The following PLXNA1 variants were observed in gnomAD, a reference collection of about 807,000 sequenced individuals.
The protein encoded by PLXNA1 is plexin-A1.
A neutral mutation model predicts 191.7 loss-of-function variants in PLXNA1; 77 were observed. The observed-to-expected ratio is 0.40, with a 90% CI of 0.33 to 0.49. The LOEUF (loss-of-function observed/expected upper bound fraction) is 0.49, where lower values mean the gene tolerates loss of function less well. PLXNA1 is among the 20% of genes least tolerant of loss of function. PLXNA1 has a pLI of 0.63. For synonymous variants in PLXNA1, 1,137 were observed against 1,156.4 expected, an observed-to-expected ratio of 0.98 and a Z score of 0.34; for missense variants, 2,110 against 2,660.2, an observed-to-expected ratio of 0.79 and a Z score of 4.55.
chr3:127,028,173 G>A lies in PLXNA1; in HGVS notation c.4510-8G>A, dbSNP rs192809412. The stretch of plus-strand genomic sequence containing the variant: ...TGACGCTGCCCCCTTGCTCCACCCC[G>A]CCCGCAGACCCTGAACTGTGTGAAC... On this transcript the variant is annotated splice_region_variant and splice_polypyrimidine_tract_variant and intron_variant, in intron 24 of 31. Transcript: ENST00000393409. 7.6e-5 allele frequency: 123 copies of A among 1,611,272 alleles called. No individual in the cohort carries two copies. The African/African-American group carries it at 9.6e-4, about 13-fold the overall frequency.
intron 16 of PLXNA1, 97 bp from the exon 17 acceptor site, chr3:127,016,847 G>A (rs1347983871): frequency 3.6e-6 from 5 of 1,395,528 alleles, no homozygotes; most frequent in Non-Finnish European, 5.0e-6. Context: ...CTGTCTTTGG[G>A]GAAGGCAGGC....
intron 23 of PLXNA1, among the ~76,000 whole-genome samples, 158 bp downstream of exon 23, chr3:127,022,976 C>T (rs558019169): frequency 6.6e-6 from 1 of 152,334 alleles, no homozygotes; most frequent in East Asian, 1.9e-4. Context: ...CATGCAGCCG[C>T]TCTCAGCTCC....
In PLXNA1 at chr3:127,005,735, C is replaced by T. The variant is rs368420899; in HGVS notation, c.1898-344C>T. Among the ~76,000 whole-genome samples the T allele has an allele frequency of 1.3e-3, 197 of 148,280 alleles. 1 individual carries two copies. Among genetic ancestry groups the T allele is most frequent in the African/African-American group, 4.6e-3 (185 of 39,868 alleles). ...TGGGTGAGGGGTGGGCTATGTGGGGCGCAGGTTGGGTGGGGGACAGTCTCA... is the reference window on the plus strand; with the variant it reads ...TGGGTGAGGGGTGGGCTATGTGGGGTGCAGGTTGGGTGGGGGACAGTCTCA... On this transcript the variant is annotated intron_variant, in intron 7 of 31. Transcript: ENST00000393409.
At chr3:127,001,302 G>A (rs2079038854) in intron 3 of PLXNA1, among the ~76,000 whole-genome samples, 1 of 152,344 alleles carries the variant, frequency 6.6e-6, no homozygotes, top group Middle Eastern at 3.4e-3. Context: ...CCGGGCCAGG[G>A]TCAGGCTCCG....
rs2079109963 is a variant in PLXNA1 at position 127,014,224 on chromosome 3, T to C, written c.2453T>C (p.Leu818Pro). Residue 818 changes from leucine to proline, a missense_variant, in exon 12 of 32, where the codon CTC (leucine) becomes CCC (proline). By Grantham distance (98) the Leu-to-Pro change is moderately conservative. Coordinates refer to ENST00000393409, the MANE Select transcript of PLXNA1 (RefSeq NM_032242.4). ...CCGGCCCTGCGCGAGAGCTGCGGCCTCTGCCTCAAGGCCGACCCGCGCTTC... is the reference window on the plus strand; with the variant it reads ...CCGGCCCTGCGCGAGAGCTGCGGCCCCTGCCTCAAGGCCGACCCGCGCTTC... ...KCPALRESCG[L>P]CLKADPRFEC... The C allele has an allele frequency of 3.7e-6, 6 of 1,607,368 alleles. No individual in the cohort carries two copies. Among genetic ancestry groups the C allele is most frequent in the Non-Finnish European group, 5.1e-6 (6 of 1,176,834 alleles).
chr3:127,034,129 T>C lies in PLXNA1; in HGVS notation c.*112T>C. 1.1e-6 allele frequency: 1 copy of C among 947,146 alleles called. No homozygotes were observed. Among genetic ancestry groups the C allele is most frequent in the Admixed American group, 2.6e-5 (1 of 39,154 alleles). The allele number at this position is 947,146 out of a possible 1,614,324, so 58.7% of individuals were successfully genotyped here. ...TCCGGTGGTGCTCGGGCCGCCGCAG[T>C]GCAGCGACTGCCCGGCCCTCCCTCC... On this transcript the variant is annotated 3_prime_UTR_variant, in exon 32 of 32. Coordinates refer to ENST00000393409, the MANE Select transcript of PLXNA1 (RefSeq NM_032242.4).
Position 127,016,591 on chromosome 3 carries a change from T to C in PLXNA1, c.3089T>C (p.Ile1030Thr). ...SPGSAPIIIN[I>T]NRAQLTNPEV... ...GGCAGCGCTCCCATCATCATCAACA[T>C]CAACCGCGCCCAGCTCACCAACCCT... The change falls in exon 16 of 32, where the codon ATC becomes ACC. Residue 1030 changes from isoleucine (I) to threonine (T), a missense_variant. Around this residue, in one of 4 missense-constraint regions of PLXNA1, gnomAD observed 644 missense variants for 714.3 expected, o/e 0.90. Coordinates refer to ENST00000393409, the MANE Select transcript of PLXNA1 (RefSeq NM_032242.4). 1 of 1,613,934 alleles carries C rather than the reference T, an allele frequency of 6.2e-7. No individual in the cohort carries two copies. Among genetic ancestry groups the C allele is most frequent in the East Asian group, 2.2e-5 (1 of 44,852 alleles).
intron 23 of PLXNA1, chr3:127,027,412 C>T: frequency 2.8e-6 from 1 of 358,334 alleles, no homozygotes. Flanking sequence ...ATAGTTGTGT[C>T]CCAGAGTAAT....
At chr3:127,024,308 AGT>A (rs2079166964) in intron 23 of PLXNA1, among the ~76,000 whole-genome samples, 1 of 152,190 alleles carries the variant, frequency 6.6e-6, no homozygotes, top group Admixed American at 6.5e-5. Flanking sequence ...GCCAGCGCAG[AGT>A]GTGGCCCCAC....
Position 127,034,248 on chromosome 3 carries a change from C to T in PLXNA1, c.*231C>T, listed in dbSNP as rs917817663. ...CGCACACAGCTGCTTGCTCAGGGGC[C>T]GGGACAGCACTGGGTGCTCAGGCTG... On this transcript the variant is annotated 3_prime_UTR_variant, in exon 32 of 32. Coordinates refer to ENST00000393409, the MANE Select transcript of PLXNA1 (RefSeq NM_032242.4). 6.9e-5 allele frequency: 33 copies of T among 477,984 alleles called. No homozygotes were observed. The highest frequency in any genetic ancestry group is 1.0e-4 in the Non-Finnish European group (27 of 267,356). 29.6% of individuals were successfully genotyped at this position (477,984 alleles called of 1,614,324 possible). A position where few individuals can be genotyped will look rare whatever the true frequency, so the allele number is the denominator to read the frequency against.
At chr3:127,005,273 T>C (rs1340542103) in intron 7 of PLXNA1, 30 bp downstream of exon 7, 3 of 1,583,030 alleles carry the variant, frequency 1.9e-6, no homozygotes, top group African/African-American at 2.7e-5. Context: ...TGGTGCCCGC[T>C]GCCTGGCCAG....
Position 126,989,462 on chromosome 3 carries a change from C to A in PLXNA1, c.869C>A (p.Pro290His), listed in dbSNP as rs2078978561. 1 of 1,613,690 alleles carries A rather than the reference C, an allele frequency of 6.2e-7. No individual in the cohort carries two copies. The highest frequency in any genetic ancestry group is 1.1e-5 in the South Asian group (1 of 91,080). Residue 290 changes from proline to histidine, a missense_variant, in exon 2 of 32, where the codon CCC becomes CAC. This residue lies in a region of PLXNA1 where 903 missense variants were observed against 1,015.7 expected (regional missense o/e 0.89). Transcript: ENST00000393409. ...SKIVRLCVDDPKFYSYVEFPI... is the reference protein window; with the variant it reads ...SKIVRLCVDDHKFYSYVEFPI... ...ATCGTGCGGCTCTGTGTGGACGACC[C>A]CAAATTCTACTCGTACGTTGAGTTC...
At chr3:126,995,612 C>T (rs1007944611) in intron 3 of PLXNA1, among the ~76,000 whole-genome samples, 2 of 152,260 alleles carry the variant, frequency 1.3e-5, no homozygotes, top group African/African-American at 4.8e-5. Flanking sequence ...CCTGAGCACC[C>T]GGTTTTTCAA....
intron 12 of PLXNA1, 34 bp downstream of exon 12, chr3:127,014,409 C>T (rs781147013): frequency 1.3e-6 from 2 of 1,569,052 alleles, no homozygotes; most frequent in Middle Eastern, 1.7e-4. Flanking sequence ...ACACCCCATG[C>T]CCCGCCCTGC....
intron 15 of PLXNA1, 60 bp downstream of exon 15, chr3:127,015,380 C>A (rs2079118005): frequency 8.4e-6 from 13 of 1,554,346 alleles, no homozygotes; most frequent in Non-Finnish European, 1.1e-5. Flanking sequence ...CAGATGGTTG[C>A]ATGCCCCTTC....
rs2079110066 is a variant in PLXNA1 at position 127,014,235 on chromosome 3, G to A, written c.2464G>A (p.Ala822Thr). 1.9e-6 allele frequency: 3 copies of A among 1,605,282 alleles called. No individual in the cohort carries two copies. The highest frequency in any genetic ancestry group is 2.6e-6 in the Non-Finnish European group (3 of 1,176,166). ...LRESCGLCLK[A>T]DPRFECGWCV... The stretch of plus-strand genomic sequence containing the variant: ...CGAGAGCTGCGGCCTCTGCCTCAAG[G>A]CCGACCCGCGCTTCGAGTGCGGATG... Residue 822 changes from alanine to threonine, a missense_variant, in exon 12 of 32, where the codon GCC (alanine) becomes ACC (threonine). Transcript: ENST00000393409.
intron 3 of PLXNA1, among the ~76,000 whole-genome samples, chr3:126,993,900 G>C (rs2079003060): frequency 6.6e-6 from 1 of 152,246 alleles, no homozygotes; most frequent in African/African-American, 2.4e-5. Context: ...CCCGTGCAGG[G>C]TTTTTGAACC....
At chr3:127,001,221 T>G (rs761402786) in intron 3 of PLXNA1, among the ~76,000 whole-genome samples, 2 of 152,188 alleles carry the variant, frequency 1.3e-5, no homozygotes, top group African/African-American at 2.4e-5. Flanking sequence ...CCTGCCCTTC[T>G]GTGACCCGTT....
Position 127,017,551 on chromosome 3 carries a change from T to C in PLXNA1, c.3403T>C (p.Ser1135Pro). 6.2e-7 allele frequency: 1 copy of C among 1,613,636 alleles called. No individual in the cohort carries two copies. The highest frequency in any genetic ancestry group is 8.5e-7 in the Non-Finnish European group (1 of 1,179,992). ...GGGCTTCGTCATGGACAACGTGCGC[T>C]CCCTGCTTGTGCTCAACTCCACCTC... ...ELGFVMDNVR[S>P]LLVLNSTSFL... Residue 1135 changes from serine (S) to proline (P), a missense_variant, in exon 18 of 32, where the codon TCC (serine) becomes CCC (proline). Physicochemically the swap from Ser to Pro is moderately conservative, Grantham distance 74 (BLOSUM62 -1). Around this residue, in one of 4 missense-constraint regions of PLXNA1, gnomAD observed 644 missense variants for 714.3 expected, o/e 0.90. Transcript: ENST00000393409.
Sources: allele counts gnomAD v4.1 joint callset (sites outside exome capture counted in the v4.1 genomes callset), GRCh38; gene constraint gnomAD v4.1.1; regional missense constraint gnomAD v4.1.1; transcripts MANE v1.5; gene names NCBI Gene and HGNC (gene_info 2026-07-23, HGNC 2026-07-21).